Variants in HYCC1 observed in about 807,000 individuals in gnomAD.
HYCC1 encodes the protein hyccin PI4KA lipid kinase complex subunit 1, also known as hyccin.
the HYCC1 span, chr7:22,940,934 A>G: frequency 1.3e-5 from 2 of 151,970 alleles, no homozygotes; most frequent in African/African-American, 4.8e-5. Context: ...ACACATGGCA[A>G]TAAAGATTCT....
chr7:22,954,201 A>G, the HYCC1 span, among the ~76,000 whole-genome samples: 1 of 151,264 alleles, frequency 6.6e-6, no homozygotes, highest in South Asian at 2.1e-4. Context: ...ATCTAGAAAG[A>G]CAACCTTAAA....
At chr7:22,959,306 T>C in the HYCC1 span, among the ~76,000 whole-genome samples, 2 of 152,258 alleles carry the variant, frequency 1.3e-5, no homozygotes, top group South Asian at 4.1e-4. Context: ...CATCACCAAC[T>C]TTCTAGTTTA....
the HYCC1 span, among the ~76,000 whole-genome samples, chr7:22,961,033 A>G: frequency 6.6e-6 from 1 of 152,360 alleles, no homozygotes; most frequent in South Asian, 2.1e-4. Context: ...CCTGGGCAAC[A>G]AGAGCTAAAC....
chr7:22,914,761 CT>C, the HYCC1 span, among the ~76,000 whole-genome samples: 1 of 152,268 alleles, frequency 6.6e-6, no homozygotes, highest in South Asian at 2.1e-4. Context: ...ACGGACCCAT[CT>C]GACCTCTCCC....
the HYCC1 span, among the ~76,000 whole-genome samples, chr7:22,898,626 A>G: frequency 1.8e-4 from 24 of 136,310 alleles, no homozygotes; most frequent in Middle Eastern, 3.9e-3. Context: ...TTTTTGAGAC[A>G]GAGCCTCGTT....
chr7:22,954,180 C>T, the HYCC1 span, among the ~76,000 whole-genome samples: 1 of 151,096 alleles, frequency 6.6e-6, no homozygotes, highest in South Asian at 2.1e-4. Flanking sequence ...TTACCATTTA[C>T]CTTTTGTAAT....
the HYCC1 span, among the ~76,000 whole-genome samples, chr7:22,950,986 T>A: frequency 6.6e-6 from 1 of 151,824 alleles, no homozygotes; most frequent in African/African-American, 2.4e-5. Flanking sequence ...TTTATTTGTG[T>A]AACCCCCTAT....
At chr7:22,960,520 C>A in the HYCC1 span, 1 of 904,076 alleles carries the variant, frequency 1.1e-6, no homozygotes, top group African/African-American at 1.6e-5. Context: ...TACAAAGAGG[C>A]TCTTCCCAAG....
At chr7:22,927,905 T>C in the HYCC1 span, among the ~76,000 whole-genome samples, 1 of 152,132 alleles carries the variant, frequency 6.6e-6, no homozygotes, top group Non-Finnish European at 1.5e-5. Flanking sequence ...TAGACCAATA[T>C]CCTTGATGAA....
At chr7:22,964,276 T>A in the HYCC1 span, 1 of 648,802 alleles carries the variant, frequency 1.5e-6, no homozygotes, top group Non-Finnish European at 2.8e-6. Context: ...GTATTAAAAC[T>A]ATTATCAAGA....
chr7:22,914,420 T>G, the HYCC1 span, among the ~76,000 whole-genome samples: 1 of 152,156 alleles, frequency 6.6e-6, no homozygotes, highest in Admixed American at 6.5e-5. Context: ...TTAGCCTGTG[T>G]TCTCAAAAAC....
At chr7:22,937,884 C>T in the HYCC1 span, 1 of 152,144 alleles carries the variant, frequency 6.6e-6, no homozygotes, top group African/African-American at 2.4e-5. Context: ...CAGCAGAACA[C>T]TAAGAAGTCA....
chr7:22,991,420 A>G, the HYCC1 span, among the ~76,000 whole-genome samples: 2 of 152,126 alleles, frequency 1.3e-5, no homozygotes, highest in African/African-American at 2.4e-5. Context: ...ATTTTTCCCT[A>G]GTTTCAATAA....
At chr7:22,942,678 C>T in the HYCC1 span, 1 of 152,106 alleles carries the variant, frequency 6.6e-6, no homozygotes, top group African/African-American at 2.4e-5. Flanking sequence ...TGGAATCCTT[C>T]TCATGATAAA....
the HYCC1 span, among the ~76,000 whole-genome samples, chr7:22,982,041 C>T: frequency 6.6e-6 from 1 of 152,130 alleles, no homozygotes; most frequent in Non-Finnish European, 1.5e-5. Context: ...CTAGTTAAAA[C>T]ATACTTCATG....
At chr7:22,976,901 C>T in the HYCC1 span, 155 of 758,670 alleles carry the variant, frequency 2.0e-4, no homozygotes, top group Admixed American at 9.2e-4. Flanking sequence ...ATAGCTACCA[C>T]GAACATCATA....
At chr7:22,939,431 T>C in the HYCC1 span, 2 of 152,038 alleles carry the variant, frequency 1.3e-5, no homozygotes, top group Admixed American at 6.6e-5. Context: ...CTAGAACCAA[T>C]CTTTTTCATC....
At chr7:22,957,767 T>C in the HYCC1 span, among the ~76,000 whole-genome samples, 2 of 152,070 alleles carry the variant, frequency 1.3e-5, no homozygotes, top group East Asian at 1.9e-4. Flanking sequence ...CCATTAAATA[T>C]AGAAACTCTA....
At chr7:22,917,324 C>T in the HYCC1 span, among the ~76,000 whole-genome samples, 233 of 152,308 alleles carry the variant, frequency 1.5e-3, 1 homozygote, top group Non-Finnish European at 2.2e-3. Flanking sequence ...GCAGGTTACA[C>T]GCTGCTAGCC....
Sources: allele counts gnomAD v4.1 joint callset (sites outside exome capture counted in the v4.1 genomes callset), GRCh38; gene constraint gnomAD v4.1.1; transcripts MANE v1.5; gene names NCBI Gene and HGNC (gene_info 2026-07-23, HGNC 2026-07-21).